Variants in XKRX observed in about 807,000 individuals in gnomAD.
XKRX encodes XK-related protein 2.
A neutral mutation model predicts 22.4 loss-of-function variants in XKRX; 11 were observed. That is an observed-to-expected ratio of 0.49 (90% confidence interval 0.31 to 0.81). The LOEUF (loss-of-function observed/expected upper bound fraction) is 0.81, where lower values mean the gene tolerates loss of function less well. Among genes scored for constraint, XKRX ranks in the 40% least tolerant of loss-of-function variants. XKRX has a pLI of 0.05. For missense variants in XKRX, 320 were observed against 336.5 expected (o/e 0.95, Z 0.38); for synonymous variants, 114 against 132.2 (o/e 0.86, Z 0.94).
chrX:100,918,105 T>C (rs918369150), intron 2 of XKRX, among the ~76,000 whole-genome samples: 1 of 112,147 alleles, frequency 8.9e-6, no homozygotes, highest in African/African-American at 3.2e-5. Context: ...GGAATACTCA[T>C]CCAAAAGGAA....
the XKRX span, among the ~76,000 whole-genome samples, chrX:100,900,520 G>A: frequency 1.2e-4 from 13 of 110,451 alleles, no homozygotes; most frequent in Non-Finnish European, 2.3e-4. Context: ...TGTATGTCCT[G>A]GCAGGGCATG....
the XKRX span, among the ~76,000 whole-genome samples, chrX:100,906,176 T>C: frequency 1.7e-4 from 19 of 111,613 alleles, no homozygotes; most frequent in Admixed American, 3.8e-4. Flanking sequence ...CCCCCACAAG[T>C]GCATAGCCTC....
chrX:100,936,304 G>A, the XKRX span, among the ~76,000 whole-genome samples: 2 of 109,703 alleles, frequency 1.8e-5, no homozygotes, highest in African/African-American at 3.3e-5. Context: ...ACTTTGGGAC[G>A]CTGAGGTGGG....
chrX:100,922,925 T>G lies in XKRX; in HGVS notation c.472A>C (p.Ile158Leu). Residue 158 changes from isoleucine (I) to leucine (L), a missense_variant, in exon 2 of 3, where the codon ATC becomes CTC. Coordinates refer to ENST00000372956, the MANE Select transcript of XKRX (RefSeq NM_212559.3). Reference protein sequence around the residue: ...VLIEWEVGHSIRTLAMHRNAY... With the variant: ...VLIEWEVGHSLRTLAMHRNAY... ...TTGCGGTGCATAGCCAGGGTCCGGA[T>G]GGAGTGGCCCACCTCCCATTCTATC... is the stretch of plus-strand genomic sequence containing the variant. The G allele has an allele frequency of 8.3e-7, 1 of 1,211,595 alleles. No homozygotes were observed. The highest frequency in any genetic ancestry group is 1.1e-6 in the Non-Finnish European group (1 of 895,497).
chrX:100,932,280 T>C (rs2085523955), upstream of XKRX, among the ~76,000 whole-genome samples: 1 of 111,579 alleles, frequency 9.0e-6, no homozygotes, highest in African/African-American at 3.3e-5. Context: ...AGCTCTTTAC[T>C]CTTCTTGGGA....
At chrX:100,959,172 G>C in the XKRX span, among the ~76,000 whole-genome samples, 1 of 111,431 alleles carries the variant, frequency 9.0e-6, no homozygotes, top group Non-Finnish European at 1.9e-5. Flanking sequence ...CTTGTTTTTC[G>C]AGAGAATCAA....
the XKRX span, among the ~76,000 whole-genome samples, chrX:100,900,993 T>G: frequency 9.1e-6 from 1 of 109,894 alleles, no homozygotes; most frequent in Non-Finnish European, 1.9e-5. Flanking sequence ...GGTTTTACCG[T>G]GTTAGCCAGG....
At chrX:100,916,574 C>T (rs2085437090) in intron 2 of XKRX, among the ~76,000 whole-genome samples, 1 of 112,144 alleles carries the variant, frequency 8.9e-6, no homozygotes, top group African/African-American at 3.2e-5. Context: ...TCATAGAGAA[C>T]GCTCTTGCTA....
chrX:100,893,727 G>A, the XKRX span, among the ~76,000 whole-genome samples: 1 of 111,887 alleles, frequency 8.9e-6, no homozygotes, highest in East Asian at 2.8e-4. Context: ...ATATCAAATA[G>A]TGCATGTTCT....
At chrX:100,888,015 CT>C in the XKRX span, 2 of 1,110,427 alleles carry the variant, frequency 1.8e-6, no homozygotes, top group Non-Finnish European at 2.5e-6. Context: ...ACTTTGACCT[CT>C]TTGGCTGGAA....
the XKRX span, among the ~76,000 whole-genome samples, chrX:100,907,016 C>A: frequency 9.0e-6 from 1 of 111,302 alleles, no homozygotes; most frequent in African/African-American, 3.3e-5. Context: ...GATTTGCAAC[C>A]TTAATTCCCC....
downstream of XKRX, among the ~76,000 whole-genome samples, chrX:100,908,893 A>G (rs2085397559): frequency 9.2e-6 from 1 of 109,125 alleles, no homozygotes; most frequent in East Asian, 2.9e-4. Context: ...GCTAGCTGAA[A>G]GGGCACTGAA....
chrX:100,889,369 G>A, the XKRX span, among the ~76,000 whole-genome samples: 7 of 109,417 alleles, frequency 6.4e-5, no homozygotes, highest in African/African-American at 2.3e-4. Flanking sequence ...CTTATAAAAA[G>A]GGGGCAAGTT....
intron 2 of XKRX, among the ~76,000 whole-genome samples, chrX:100,917,714 G>GAAAT (rs1163362148): frequency 1.9e-5 from 2 of 105,023 alleles, no homozygotes; most frequent in African/African-American, 7.0e-5. Flanking sequence ...AAGAAAGAAA[G>GAAAT]AAAGAAAGAA....
the XKRX span, among the ~76,000 whole-genome samples, chrX:100,944,271 T>C: frequency 8.9e-6 from 1 of 112,227 alleles, no homozygotes; most frequent in Non-Finnish European, 1.9e-5. Flanking sequence ...AAGGGTGGCA[T>C]GATGGACATG....
At chrX:100,890,228 A>G in the XKRX span, among the ~76,000 whole-genome samples, 1 of 110,677 alleles carries the variant, frequency 9.0e-6, no homozygotes, top group African/African-American at 3.3e-5. Flanking sequence ...AGATTTAAGA[A>G]GCGTCTGAAT....
chrX:100,914,619 A>G lies in XKRX; in HGVS notation c.1069T>C (p.Leu357=). 1 of 1,211,453 alleles carries G rather than the reference A, an allele frequency of 8.3e-7. No homozygotes were observed. The change falls in exon 3 of 3, where the codon TTG becomes CTG. Residue 357 remains leucine, a synonymous_variant. Transcript: ENST00000372956. Reference sequence around the variant, plus strand: ...AAGACCATGATCACATTCTCTACCAACCTCACACTATAGTGCAGGCCCATA... The same window carrying G: ...AAGACCATGATCACATTCTCTACCAGCCTCACACTATAGTGCAGGCCCATA... The part of the protein sequence containing the change: ...GHMGLHYSVR[L]VENVIMVLVF...
At chrX:100,946,217 C>G in the XKRX span, among the ~76,000 whole-genome samples, 1 of 109,837 alleles carries the variant, frequency 9.1e-6, no homozygotes, top group African/African-American at 3.3e-5. Flanking sequence ...TAGCATGGTG[C>G]ATGGAAAGAG....
At position 100,914,923 on chromosome X, in the gene XKRX, G is replaced by A; in HGVS notation, c.765C>T (p.Leu255=). 1 of 1,211,663 alleles carries A rather than the reference G, an allele frequency of 8.3e-7. No homozygotes were observed. The highest frequency in any genetic ancestry group is 1.1e-6 in the Non-Finnish European group (1 of 895,580). Residue 255 remains leucine, a synonymous_variant, in exon 3 of 3, where the codon CTC becomes CTT. Coordinates refer to ENST00000372956, the MANE Select transcript of XKRX (RefSeq NM_212559.3). Reference sequence around the variant, plus strand: ...TGGCTGAGAAGAGCACCAGAATCAGGAGGCGGGAAGTGATCTCCAATGTCC... The same window carrying A: ...TGGCTGAGAAGAGCACCAGAATCAGAAGGCGGGAAGTGATCTCCAATGTCC... The part of the protein sequence containing the change: ...IWRTLEITSR[L]LILVLFSATL...
Sources: gnomAD v4.1 joint callset for allele counts (sites outside exome capture counted in the v4.1 genomes callset) on GRCh38, gnomAD v4.1.1 for gene constraint, MANE v1.5 for transcripts, NCBI Gene and HGNC (gene_info 2026-07-23, HGNC 2026-07-21) for gene names.